KCNH8: variants seen among roughly 807,000 people sequenced by gnomAD.
KCNH8 encodes the protein potassium voltage-gated channel subfamily H member 8.
Under a neutral mutation model 103.6 loss-of-function variants are expected in KCNH8, and 70 were observed. The observed-to-expected ratio is 0.68, with a 90% CI of 0.56 to 0.82. KCNH8 has a LOEUF of 0.82. Ranked by LOEUF, KCNH8 falls within the 40% of genes least tolerant of loss-of-function variation. The probability of loss-of-function intolerance (pLI) is 0.00; values close to 1 mark genes in which losing one functional copy is unlikely to be tolerated. For missense variants in KCNH8, 1,217 were observed against 1,329.9 expected (o/e 0.92, Z 1.32); for synonymous variants, 498 against 489.4 (o/e 1.02, Z -0.23).
At chr3:19,258,276 C>T (rs1173904223) in intron 2 of KCNH8, among the ~76,000 whole-genome samples, 1 of 151,930 alleles carries the variant, frequency 6.6e-6, no homozygotes, top group East Asian at 1.9e-4. Flanking sequence ...TAAAAAACCC[C>T]GAATGCATAA....
chr3:19,318,834 A>G (rs765293066), intron 3 of KCNH8, among the ~76,000 whole-genome samples: 5 of 151,542 alleles, frequency 3.3e-5, no homozygotes, highest in Admixed American at 2.0e-4. Flanking sequence ...TGATTTTTTT[A>G]TTATGGCTAT....
chr3:19,323,031 C>G (rs962463548), intron 3 of KCNH8, among the ~76,000 whole-genome samples: 3 of 152,086 alleles, frequency 2.0e-5, no homozygotes, highest in African/African-American at 7.2e-5. Flanking sequence ...TCTTTCATTT[C>G]CAGAAATTGT....
chr3:19,364,215 C>G (rs1007990937), intron 5 of KCNH8, among the ~76,000 whole-genome samples: 1 of 152,012 alleles, frequency 6.6e-6, no homozygotes, highest in Non-Finnish European at 1.5e-5. Context: ...CCCATATACC[C>G]CCACGTCTTC....
In KCNH8 at chr3:19,327,877, T is replaced by A. The variant is rs569015985; in HGVS notation, c.443-14710T>A. The stretch of plus-strand genomic sequence containing the variant: ...AAGCTCTTTTACCTCAAGTCTTCTC[T>A]TCTACTAACTAATAGAGGGGACAAA... On this transcript the variant is annotated intron_variant, in intron 3 of 15. Coordinates refer to ENST00000328405, the MANE Select transcript of KCNH8 (RefSeq NM_144633.3). Among the ~76,000 whole-genome samples the A allele has an allele frequency of 3.9e-5, 6 of 152,314 alleles. No homozygotes were observed. In the East Asian group the frequency reaches 1.2e-3, roughly 29 times the overall value.
chr3:19,214,968 C>G lies in KCNH8; in HGVS notation c.77-38686C>G, dbSNP rs1575442479. ...TATGTGATTATTGATGCACCAATAT[C>G]TAAGGCCTGTGCCCACTGTTGCCAT... On this transcript the variant is annotated intron_variant, in intron 1 of 15. Coordinates refer to ENST00000328405, the MANE Select transcript of KCNH8 (RefSeq NM_144633.3). Among the ~76,000 whole-genome samples, 6 of 152,206 alleles carry G rather than the reference C, an allele frequency of 3.9e-5. No homozygotes were observed. The South Asian group carries it at 1.2e-3, about 31-fold the overall frequency.
chr3:19,251,771 A>G (rs1447289124), intron 1 of KCNH8, among the ~76,000 whole-genome samples: 1 of 152,130 alleles, frequency 6.6e-6, no homozygotes, highest in Admixed American at 6.6e-5. Flanking sequence ...ATATGGGAAA[A>G]ATAAGTGTTT....
In KCNH8 at chr3:19,403,195, G is replaced by A. The variant is rs553132488; in HGVS notation, c.1177+7884G>A. On this transcript the variant is annotated intron_variant, in intron 7 of 15. Coordinates refer to ENST00000328405, the MANE Select transcript of KCNH8 (RefSeq NM_144633.3). ...CTGATTTATAAAACAGTATCCAAGT[G>A]TACCTTGCCCCTACATTGTCCTTGC... 1.4e-3 allele frequency among the ~76,000 whole-genome samples: 208 copies of A among 151,284 alleles called. 1 individual carries two copies. Among genetic ancestry groups the A allele is most frequent in the African/African-American group, 4.7e-3 (195 of 41,426 alleles).
At position 19,271,589 on chromosome 3, in the gene KCNH8, T is replaced by G. The variant is rs188593418; in HGVS notation, c.311-9609T>G. On this transcript the variant is annotated intron_variant, in intron 2 of 15. Transcript: ENST00000328405. ...GGTTAAATAAATGAAGCATTACATA[T>G]ACAGGTAAAGCCCTTACTTTATATA... Among the ~76,000 whole-genome samples the G allele has an allele frequency of 4.6e-5, 7 of 152,284 alleles. No homozygotes were observed. In the South Asian group the frequency reaches 1.0e-3, roughly 23 times the overall value.
chr3:19,236,379 T>C (rs1426105502), intron 1 of KCNH8, among the ~76,000 whole-genome samples: 1 of 152,224 alleles, frequency 6.6e-6, no homozygotes, highest in East Asian at 1.9e-4. Context: ...TCTTCTCTTC[T>C]TACGTCATCG....
chr3:19,446,560 TACTTATA>T (rs966252672), intron 8 of KCNH8, among the ~76,000 whole-genome samples: 2 of 151,960 alleles, frequency 1.3e-5, no homozygotes, highest in African/African-American at 4.8e-5. Context: ...CAAGCCAGTG[TACTTATA>T]ACCAAGAATG....
chr3:19,357,753 G>A (rs139944087), intron 5 of KCNH8, among the ~76,000 whole-genome samples: 18 of 151,932 alleles, frequency 1.2e-4, no homozygotes, highest in East Asian at 1.2e-3. Flanking sequence ...AACATGATAT[G>A]CAAGTATGCT....
chr3:19,500,475 G>A (rs1350238406), intron 11 of KCNH8, among the ~76,000 whole-genome samples: 2 of 142,710 alleles, frequency 1.4e-5, no homozygotes, highest in Non-Finnish European at 3.2e-5. Context: ...CAAATCAACA[G>A]AATATACATT....
chr3:19,382,473 A>G (rs1360050077), intron 5 of KCNH8, among the ~76,000 whole-genome samples: 3 of 152,172 alleles, frequency 2.0e-5, no homozygotes, highest in Admixed American at 2.0e-4. Context: ...AATTCCTCTC[A>G]CAAAGTAAAA....
intron 3 of KCNH8, among the ~76,000 whole-genome samples, chr3:19,336,544 A>G (rs1308265885): frequency 6.6e-6 from 1 of 151,858 alleles, no homozygotes; most frequent in East Asian, 1.9e-4. Flanking sequence ...TAACATTATT[A>G]ATGTATTAAC....
chr3:19,362,499 A>G (rs562016025), intron 5 of KCNH8, among the ~76,000 whole-genome samples: 1 of 152,274 alleles, frequency 6.6e-6, no homozygotes, highest in East Asian at 1.9e-4. Flanking sequence ...CTCATGGGAA[A>G]TTTTATGATT....
At chr3:19,354,130 A>T (rs532131372) in intron 5 of KCNH8, among the ~76,000 whole-genome samples, 1 of 152,194 alleles carries the variant, frequency 6.6e-6, no homozygotes, top group Non-Finnish European at 1.5e-5. Flanking sequence ...CCCATTCACA[A>T]TGGCTTCAAA....
intron 11 of KCNH8, among the ~76,000 whole-genome samples, chr3:19,501,615 G>A (rs1183769680): frequency 1.3e-5 from 2 of 152,278 alleles, no homozygotes; most frequent in Admixed American, 1.3e-4. Flanking sequence ...TGCAAGGCTG[G>A]TTCAACATAC....
intron 1 of KCNH8, among the ~76,000 whole-genome samples, chr3:19,201,916 T>G (rs1326247259): frequency 6.6e-6 from 1 of 152,214 alleles, no homozygotes; most frequent in African/African-American, 2.4e-5. Context: ...TGTTAATTTC[T>G]ACTGCTCTGA....
chr3:19,351,170 A>G (rs2065796561), intron 5 of KCNH8, among the ~76,000 whole-genome samples: 1 of 152,106 alleles, frequency 6.6e-6, no homozygotes, highest in South Asian at 2.1e-4. Flanking sequence ...TGAAGCAAGA[A>G]GAGAAATTTA....
Sources: gnomAD v4.1 joint callset for allele counts (sites outside exome capture counted in the v4.1 genomes callset) on GRCh38, gnomAD v4.1.1 for gene constraint, MANE v1.5 for transcripts, NCBI Gene and HGNC (gene_info 2026-07-23, HGNC 2026-07-21) for gene names.